AUTS2: variants seen among roughly 807,000 people sequenced by gnomAD.
The protein encoded by AUTS2 is activator of transcription and developmental regulator AUTS2.
In AUTS2, 17 loss-of-function variants were observed where a neutral mutation model predicts 112.4. The ratio of observed to expected loss-of-function variants is 0.15; its 90% confidence interval spans 0.10 to 0.23. AUTS2 has a LOEUF of 0.23. Ranked by LOEUF, AUTS2 falls within the 10% of genes least tolerant of loss-of-function variation. The pLI is 1.00. For synonymous variants in AUTS2, 751 were observed against 702.7 expected (o/e 1.07, Z -1.09); for missense variants, 1,510 against 1,701.6 (o/e 0.89, Z 1.98).
chr7:69,740,680 T>C (rs1165802086), intron 1 of AUTS2, among the ~76,000 whole-genome samples: 4 of 151,958 alleles, frequency 2.6e-5, no homozygotes, highest in Non-Finnish European at 4.4e-5. Context: ...CCTGCCACCA[T>C]GCCTGGCTAA....
At chr7:70,453,006 T>A (rs1796594846) in intron 5 of AUTS2, among the ~76,000 whole-genome samples, 1 of 152,174 alleles carries the variant, frequency 6.6e-6, no homozygotes, top group Non-Finnish European at 1.5e-5. Context: ...TCCTCCCCTG[T>A]CCCTTCCCCA....
Position 70,737,677 on chromosome 7 carries a change from C to A in AUTS2, c.743-25193C>A, listed in dbSNP as rs78741468. ...CCAGAGTGGACTGACATGCATTTTT[C>A]TTTACAGCTCTGTCATTACTTTCTT... On this transcript the variant is annotated intron_variant, in intron 6 of 18. Coordinates refer to ENST00000342771, the MANE Select transcript of AUTS2 (RefSeq NM_015570.4). Among the ~76,000 whole-genome samples the A allele has an allele frequency of 9.2e-3, 1,394 of 152,256 alleles. 27 individuals are homozygous for A. Among genetic ancestry groups the A allele is most frequent in the African/African-American group, 0.032 (1,326 of 41,552 alleles).
intron 4 of AUTS2, among the ~76,000 whole-genome samples, chr7:70,340,163 A>AACACACACAC (rs71077652): frequency 0.033 from 4,788 of 144,712 alleles, 133 homozygotes; most frequent in East Asian, 0.12. Flanking sequence ...TATGGAGAGA[A>AACACACACAC]ACACACACAC....
intron 4 of AUTS2, among the ~76,000 whole-genome samples, chr7:70,424,518 G>A (rs1042854161): frequency 2.0e-5 from 3 of 152,056 alleles, no homozygotes; most frequent in Non-Finnish European, 4.4e-5. Flanking sequence ...AAAATGGAAG[G>A]GTGGTAGTAT....
chr7:70,344,473 G>A (rs1420601424), intron 4 of AUTS2, among the ~76,000 whole-genome samples: 2 of 152,076 alleles, frequency 1.3e-5, no homozygotes, highest in Non-Finnish European at 2.9e-5. Context: ...TAAGTCCCAT[G>A]CCCTCAACCT....
chr7:70,556,924 C>T (rs1235334712), intron 5 of AUTS2, among the ~76,000 whole-genome samples: 1 of 152,194 alleles, frequency 6.6e-6, no homozygotes, highest in African/African-American at 2.4e-5. Context: ...AACTCCTGCT[C>T]ATCCTTCAGA....
intron 6 of AUTS2, among the ~76,000 whole-genome samples, chr7:70,704,144 C>T (rs1422577121): frequency 1.3e-5 from 2 of 152,198 alleles, no homozygotes; most frequent in African/African-American, 4.8e-5. Context: ...ATGAAAGTGT[C>T]TCCCGAAAAT....
chr7:69,748,180 GT>G (rs1229758549), intron 1 of AUTS2, among the ~76,000 whole-genome samples: 2 of 152,026 alleles, frequency 1.3e-5, no homozygotes, highest in Admixed American at 6.6e-5. Flanking sequence ...AGCTTACTGT[GT>G]TTGCAATTTT....
At chr7:69,884,515 A>G (rs1006095423) in intron 1 of AUTS2, among the ~76,000 whole-genome samples, 8 of 152,322 alleles carry the variant, frequency 5.3e-5, no homozygotes, top group Admixed American at 1.3e-4. Flanking sequence ...TCATGTCTCT[A>G]TTGATCTTTT....
chr7:69,836,644 C>T (rs1421673989), intron 1 of AUTS2, among the ~76,000 whole-genome samples: 1 of 152,100 alleles, frequency 6.6e-6, no homozygotes, highest in Non-Finnish European at 1.5e-5. Context: ...GGAGTAAAGT[C>T]ACCAGACTAA....
At chr7:70,356,709 C>G (rs780419084) in intron 4 of AUTS2, among the ~76,000 whole-genome samples, 1 of 152,058 alleles carries the variant, frequency 6.6e-6, no homozygotes, top group Non-Finnish European at 1.5e-5. Flanking sequence ...CTCCCCCCAC[C>G]TCCCCACCCC....
intron 14 of AUTS2, among the ~76,000 whole-genome samples, chr7:70,779,694 G>A (rs555047097): frequency 6.6e-6 from 1 of 152,306 alleles, no homozygotes; most frequent in South Asian, 2.1e-4. Flanking sequence ...GCTGAGGCTA[G>A]AATGGGGCTA....
intron 1 of AUTS2, among the ~76,000 whole-genome samples, chr7:69,780,258 A>T (rs1789089996): frequency 6.6e-6 from 1 of 152,244 alleles, no homozygotes; most frequent in African/African-American, 2.4e-5. Flanking sequence ...ATTGATTATT[A>T]AAAAATTGCA....
intron 4 of AUTS2, among the ~76,000 whole-genome samples, chr7:70,315,151 T>A (rs1283734603): frequency 6.6e-6 from 1 of 152,336 alleles, no homozygotes. Context: ...TTCTGCCTAG[T>A]TGACAAGCTG....
At chr7:70,327,149 C>G (rs1365849359) in intron 4 of AUTS2, among the ~76,000 whole-genome samples, 1 of 151,980 alleles carries the variant, frequency 6.6e-6, no homozygotes, top group Non-Finnish European at 1.5e-5. Context: ...AACTCCTGAC[C>G]TCAGGTGATC....
At chr7:70,340,784 A>G (rs1178275797) in intron 4 of AUTS2, among the ~76,000 whole-genome samples, 2 of 152,234 alleles carry the variant, frequency 1.3e-5, no homozygotes, top group African/African-American at 2.4e-5. Context: ...GACATTTACA[A>G]TTCTGCTAAT....
chr7:69,812,172 CAAAT>C (rs1431112158), intron 1 of AUTS2, among the ~76,000 whole-genome samples: 1 of 152,030 alleles, frequency 6.6e-6, no homozygotes, highest in African/African-American at 2.4e-5. Context: ...TGTAAAAACA[CAAAT>C]AAATAAACCC....
rs76475537 is a variant in AUTS2 at position 69,854,103 on chromosome 7, C to T, written c.310-45183C>T. On this transcript the variant is annotated intron_variant, in intron 1 of 18. Coordinates refer to ENST00000342771, the MANE Select transcript of AUTS2 (RefSeq NM_015570.4). ...ATTCCATTAAGAAATTTTACTCAAA[C>T]TTATGCTTTGCAGTTGGAATACCCT... Among the ~76,000 whole-genome samples, 932 of 152,254 alleles carry T rather than the reference C, an allele frequency of 6.1e-3. 7 individuals are homozygous for T. Among genetic ancestry groups the T allele is most frequent in the African/African-American group, 0.021 (871 of 41,552 alleles).
At chr7:70,004,354 T>TA (rs1265127375) in intron 2 of AUTS2, among the ~76,000 whole-genome samples, 5 of 136,298 alleles carry the variant, frequency 3.7e-5, no homozygotes, top group African/African-American at 1.1e-4. Context: ...TTCATATATA[T>TA]ATTATGTATG....
Sources: allele counts gnomAD v4.1 joint callset (sites outside exome capture counted in the v4.1 genomes callset), GRCh38; gene constraint gnomAD v4.1.1; transcripts MANE v1.5; gene names NCBI Gene and HGNC (gene_info 2026-07-23, HGNC 2026-07-21).